GLS: variants seen among roughly 807,000 people sequenced by gnomAD.
The protein encoded by GLS is glutaminase, also known as glutaminase kidney isoform, mitochondrial.
GLS carries 36 observed loss-of-function variants against 86.7 expected under a neutral mutation model. The observed-to-expected ratio is 0.42, with a 90% confidence interval of 0.32 to 0.55. The LOEUF is 0.55. GLS is among the 20% of genes least tolerant of loss of function. The pLI, the probability that GLS is intolerant of heterozygous loss-of-function variation, is 0.17. For synonymous variants in GLS, 317 were observed against 305.9 expected (o/e 1.04, Z -0.38); for missense variants, 528 against 833.4 (o/e 0.63, Z 4.51).
intron 1 of GLS, among the ~76,000 whole-genome samples, chr2:190,883,874 A>G (rs1389321531): frequency 1.3e-5 from 2 of 152,094 alleles, no homozygotes; most frequent in Non-Finnish European, 2.9e-5. Context: ...TATTTACTTT[A>G]TATTCTGGAA....
chr2:190,944,963 GT>G (rs1326141717), intron 14 of GLS, among the ~76,000 whole-genome samples: 1 of 151,962 alleles, frequency 6.6e-6, no homozygotes, highest in Non-Finnish European at 1.5e-5. Context: ...TCTATAAATT[GT>G]TTCTTTGTTG....
Position 190,962,517 on chromosome 2 carries a change from C to T in GLS, c.1854-313C>T, listed in dbSNP as rs562119901. 1.3e-5 allele frequency among the ~76,000 whole-genome samples: 2 copies of T among 152,202 alleles called. No homozygotes were observed. Among genetic ancestry groups the T allele is most frequent in the East Asian group, 3.9e-4 (2 of 5,180 alleles). ...TTTTCATGAAACTAAAATTCTGGAA[C>T]CCTAGAGCAGTCTATTATATCTGTC... is the stretch of plus-strand genomic sequence containing the variant. On this transcript the variant is annotated intron_variant, in intron 17 of 17. Transcript: ENST00000320717. This position sits in a 1 kb window ranked among gnomAD's most constrained non-coding sequence, Gnocchi z 4.2.
At chr2:190,907,086 G>C (rs1471397144) in intron 6 of GLS, among the ~76,000 whole-genome samples, 1 of 151,678 alleles carries the variant, frequency 6.6e-6, no homozygotes, top group Non-Finnish European at 1.5e-5. Context: ...CAGCACGCCT[G>C]GCTAATTTTT....
rs2124829606 is a variant in GLS at position 190,897,208 on chromosome 2, T to C, written c.605+1483T>C. ...ATGCCTGGCTTTTTTGTATTTTTAGTGAGACGGGGTTTCACCACGTTGTCC... is the reference window on the plus strand; with the variant it reads ...ATGCCTGGCTTTTTTGTATTTTTAGCGAGACGGGGTTTCACCACGTTGTCC... On this transcript the variant is annotated intron_variant, in intron 3 of 17. Coordinates refer to ENST00000320717, the MANE Select transcript of GLS (RefSeq NM_014905.5). The surrounding 1 kb of genome is among the most constrained non-coding windows in gnomAD (Gnocchi z 4.3). Among the ~76,000 whole-genome samples the C allele has an allele frequency of 6.6e-6, 1 of 152,120 alleles. No individual in the cohort carries two copies. Among genetic ancestry groups the C allele is most frequent in the South Asian group, 2.1e-4 (1 of 4,814 alleles).
chr2:190,940,939 A>C (rs987047677), intron 14 of GLS, among the ~76,000 whole-genome samples: 10 of 151,966 alleles, frequency 6.6e-5, no homozygotes, highest in African/African-American at 1.7e-4. Context: ...CCCCCTCAGC[A>C]TTTCACTAGT....
At position 190,881,274 on chromosome 2, in the gene GLS, C is replaced by T; in HGVS notation, c.190C>T (p.Pro64Ser). The change falls in exon 1 of 18, where the codon CCG (proline) becomes TCG (serine). Residue 64 changes from proline (P) to serine (S), a missense_variant. By Grantham distance (74) the Pro-to-Ser change is moderately conservative (BLOSUM62 -1). This residue lies in a region of GLS where 224 missense variants were observed against 187.9 expected (regional missense o/e 1.19). Coordinates refer to ENST00000320717, the MANE Select transcript of GLS (RefSeq NM_014905.5). ...LHPWWGGGGW[P>S]AEPLARGLSS... ...CCCGTGGTGGGGCGGGGGCGGCTGG[C>T]CGGCGGAGCCCCTCGCGCGGGGCCT... 2 of 1,305,806 alleles carry T rather than the reference C, an allele frequency of 1.5e-6. No homozygotes were observed. The highest frequency in any genetic ancestry group is 2.3e-5 in the South Asian group (1 of 44,406). The allele number at this position is 1,305,806 out of a possible 1,614,324, so 80.9% of individuals were successfully genotyped here. A position where few individuals can be genotyped will look rare whatever the true frequency, so the allele number is the denominator to read the frequency against.
Position 190,920,604 on chromosome 2 carries a change from G to C in GLS, c.1039-420G>C, listed in dbSNP as rs1474578967. Reference sequence around the variant, plus strand: ...TTAAGGATTTAATAAAATATAAGTAGATTGTTCTTAATTGAAATATTTTAT... The same window carrying C: ...TTAAGGATTTAATAAAATATAAGTACATTGTTCTTAATTGAAATATTTTAT... On this transcript the variant is annotated intron_variant, in intron 7 of 17. Transcript: ENST00000320717. This position sits in a 1 kb window ranked among gnomAD's most constrained non-coding sequence, Gnocchi z 4.2. Among the ~76,000 whole-genome samples, 1 of 151,714 alleles carries C rather than the reference G, an allele frequency of 6.6e-6. No individual in the cohort carries two copies. The highest frequency in any genetic ancestry group is 1.5e-5 in the Non-Finnish European group (1 of 67,760).
At position 190,964,380 on chromosome 2, in the gene GLS, A is replaced by G. The variant is rs1691073732; in HGVS notation, c.*1394A>G. On this transcript the variant is annotated 3_prime_UTR_variant, in exon 18 of 18. Coordinates refer to ENST00000320717, the MANE Select transcript of GLS (RefSeq NM_014905.5). The surrounding 1 kb of genome is among the most constrained non-coding windows in gnomAD (Gnocchi z 5.2). ...CTTCTCTGAAGCTGTGTTTAGTGAA[A>G]TGAGCTCAAGTACATGAATGTTAGT... 1 of 151,792 alleles carries G rather than the reference A, an allele frequency of 6.6e-6. No homozygotes were observed. The highest frequency in any genetic ancestry group is 2.1e-4 in the South Asian group (1 of 4,812). The allele number at this position is 151,792 out of a possible 1,614,324, so 9.4% of individuals were successfully genotyped here. A position where few individuals can be genotyped will look rare whatever the true frequency, so the allele number is the denominator to read the frequency against.
intron 14 of GLS, among the ~76,000 whole-genome samples, chr2:190,941,652 A>T (rs1223692112): frequency 6.6e-6 from 1 of 152,180 alleles, no homozygotes; most frequent in Non-Finnish European, 1.5e-5. Flanking sequence ...GTCAGAGGAA[A>T]TATGGAATAG....
At chr2:190,900,814 TAAG>T in intron 4 of GLS, 121 bp downstream of exon 4, 1 of 583,204 alleles carries the variant, frequency 1.7e-6, no homozygotes, top group South Asian at 2.6e-5. Context: ...TAGCTTCGCT[TAAG>T]AAATTTAAGT....
At chr2:190,891,191 C>CT (rs1393250210) in intron 1 of GLS, among the ~76,000 whole-genome samples, 1 of 152,100 alleles carries the variant, frequency 6.6e-6, no homozygotes, top group African/African-American at 2.4e-5. Context: ...TCTGTACTTG[C>CT]TAATAAAATA....
intron 6 of GLS, among the ~76,000 whole-genome samples, chr2:190,909,102 G>T (rs575701679): frequency 1.3e-5 from 2 of 152,242 alleles, no homozygotes; most frequent in South Asian, 4.1e-4. Flanking sequence ...AATCTTGATT[G>T]TAATAATCAG....
Position 190,905,647 on chromosome 2 carries a change from A to T in GLS, c.979+480A>T, listed in dbSNP as rs1335487142. On this transcript the variant is annotated intron_variant, in intron 6 of 17. Coordinates refer to ENST00000320717, the MANE Select transcript of GLS (RefSeq NM_014905.5). The surrounding 1 kb of genome is among the most constrained non-coding windows in gnomAD (Gnocchi z 4.6). ...GTGAGTGTTTTTACTTTTTATCCTTATAACATTAAAAAATTTGAAAGAAAT... is the reference window on the plus strand; with the variant it reads ...GTGAGTGTTTTTACTTTTTATCCTTTTAACATTAAAAAATTTGAAAGAAAT... Among the ~76,000 whole-genome samples the T allele has an allele frequency of 6.6e-6, 1 of 152,118 alleles. No individual in the cohort carries two copies. The highest frequency in any genetic ancestry group is 6.6e-5 in the Admixed American group (1 of 15,266).
intron 1 of GLS, among the ~76,000 whole-genome samples, chr2:190,884,126 A>G (rs1439706079): frequency 6.6e-6 from 1 of 152,082 alleles, no homozygotes; most frequent in Non-Finnish European, 1.5e-5. Flanking sequence ...CTTCGTTTTC[A>G]AAATTGTTCT....
chr2:190,931,928 T>A (rs1690116738), intron 14 of GLS, among the ~76,000 whole-genome samples: 1 of 152,032 alleles, frequency 6.6e-6, no homozygotes, highest in East Asian at 1.9e-4. Context: ...TTCTGCTATT[T>A]TAAGCAAGAT....
chr2:190,895,934 C>G lies in GLS; in HGVS notation c.605+209C>G. The stretch of plus-strand genomic sequence containing the variant: ...ATTCTTTCTTTAAATCTGTTCTAAG[C>G]AAATTTAGCCACCGATGTTTCCAGT... On this transcript the variant is annotated intron_variant, in intron 3 of 17. Transcript: ENST00000320717. The surrounding 1 kb of genome is among the most constrained non-coding windows in gnomAD (Gnocchi z 4.2). 3.0e-6 allele frequency: 1 copy of G among 334,980 alleles called. No homozygotes were observed. Among genetic ancestry groups the G allele is most frequent in the African/African-American group, 2.1e-5 (1 of 47,718 alleles). The allele number at this position is 334,980 out of a possible 1,614,324, so 20.8% of individuals were successfully genotyped here. A position where few individuals can be genotyped will look rare whatever the true frequency, so the allele number is the denominator to read the frequency against.
At chr2:190,919,341 T>C (rs559014535) in intron 7 of GLS, among the ~76,000 whole-genome samples, 1 of 152,276 alleles carries the variant, frequency 6.6e-6, no homozygotes, top group East Asian at 1.9e-4. Context: ...AGTCACAAAA[T>C]AGACCAATTA....
Position 190,953,310 on chromosome 2 carries a change from G to A in GLS, c.1651-255G>A, listed in dbSNP as rs1197152043. 6.6e-6 allele frequency among the ~76,000 whole-genome samples: 1 copy of A among 152,150 alleles called. No individual in the cohort carries two copies. Among genetic ancestry groups the A allele is most frequent in the Non-Finnish European group, 1.5e-5 (1 of 68,028 alleles). On this transcript the variant is annotated intron_variant, in intron 14 of 17. Coordinates refer to ENST00000320717, the MANE Select transcript of GLS (RefSeq NM_014905.5). This position sits in a 1 kb window ranked among gnomAD's most constrained non-coding sequence, Gnocchi z 4.0. ...GTTTCACAAAATTCCATTCTCTTCT[G>A]CCAAGTGATATTATTCCATTCCTTC...
At chr2:190,959,023 A>G (rs1426817058) in intron 17 of GLS, among the ~76,000 whole-genome samples, 1 of 152,152 alleles carries the variant, frequency 6.6e-6, no homozygotes, top group Non-Finnish European at 1.5e-5. Context: ...GTGGGGTGTT[A>G]AAGTCTCCCA....
Sources: gnomAD v4.1 joint callset for allele counts (sites outside exome capture counted in the v4.1 genomes callset) on GRCh38, gnomAD v4.1.1 for gene constraint, gnomAD v4.1.1 regional missense constraint, Gnocchi (gnomAD v3.1) non-coding constraint, MANE v1.5 for transcripts, NCBI Gene and HGNC (gene_info 2026-07-23, HGNC 2026-07-21) for gene names.